The following KCNK9 variants were observed in gnomAD, a reference collection of about 807,000 sequenced individuals.
KCNK9 encodes the protein potassium two pore domain channel subfamily K member 9.
In KCNK9, 1 loss-of-function variant was observed where a neutral mutation model predicts 10.8. That is an observed-to-expected ratio of 0.09 (90% CI 0.03 to 0.44). The LOEUF is 0.44. KCNK9 is among the 20% of genes least tolerant of loss of function. The pLI is 0.97. For missense variants in KCNK9, 303 were observed against 515.0 expected (o/e 0.59, Z 3.98); for synonymous variants, 231 against 222.7 (o/e 1.04, Z -0.33).
At chr8:139,642,699 G>A (rs187053024) in intron 1 of KCNK9, among the ~76,000 whole-genome samples, 3 of 152,382 alleles carry the variant, frequency 2.0e-5, no homozygotes, top group African/African-American at 7.2e-5. Flanking sequence ...CCAGTCCTGG[G>A]GAAGGAGCCG....
rs1814636905 is a variant in KCNK9, at chr8:139,617,565, T to C, written c.*693A>G. On this transcript the variant is annotated 3_prime_UTR_variant, in exon 2 of 2. Coordinates refer to ENST00000520439, the MANE Select transcript of KCNK9 (RefSeq NM_001282534.2). ...ATTAATATAATTTAGAACCTAGCAT[T>C]TAGAAAATATGGCCATGACACATCA... Among the ~76,000 whole-genome samples the C allele has an allele frequency of 6.6e-6, 1 of 152,100 alleles. No individual in the cohort carries two copies. The highest frequency in any genetic ancestry group is 2.1e-4 in the South Asian group (1 of 4,826).
downstream of KCNK9, chr8:139,616,483 T>A (rs1299180871): frequency 2.0e-5 from 3 of 152,208 alleles, no homozygotes; most frequent in Non-Finnish European, 4.4e-5. Context: ...AATTTCAACA[T>A]GGGATGTAGC....
At chr8:139,619,461 G>C (rs368999104) in intron 1 of KCNK9, among the ~76,000 whole-genome samples, 5 of 152,100 alleles carry the variant, frequency 3.3e-5, no homozygotes, top group African/African-American at 9.7e-5. Flanking sequence ...CCACATAAAG[G>C]CTTTAAAAAG....
rs1363254050 is a variant in KCNK9, at chr8:139,702,343, C to T, written c.283+367G>A. 6.6e-6 allele frequency among the ~76,000 whole-genome samples: 1 copy of T among 152,164 alleles called. No homozygotes were observed. Among genetic ancestry groups the T allele is most frequent in the South Asian group, 2.1e-4 (1 of 4,826 alleles). ...GTAGTAAGTGTAAGGCTCAGAGCCCCGCGCAGCCCAGCCCGCGCCGGGGCG... is the reference window on the plus strand; with the variant it reads ...GTAGTAAGTGTAAGGCTCAGAGCCCTGCGCAGCCCAGCCCGCGCCGGGGCG... On this transcript the variant is annotated intron_variant, in intron 1 of 1. Transcript: ENST00000520439. This position sits in a 1 kb window ranked among gnomAD's most constrained non-coding sequence, Gnocchi z 7.5.
intron 1 of KCNK9, among the ~76,000 whole-genome samples, chr8:139,659,447 AC>A (rs1228203127): frequency 6.6e-6 from 1 of 150,772 alleles, no homozygotes; most frequent in Admixed American, 6.6e-5. Flanking sequence ...CAGGTGTTAG[AC>A]CCCTGGCCTC....
At chr8:139,642,648 G>T (rs1000742056) in intron 1 of KCNK9, among the ~76,000 whole-genome samples, 5 of 152,222 alleles carry the variant, frequency 3.3e-5, no homozygotes, top group East Asian at 3.9e-4. Context: ...GATTCAGTGG[G>T]GAGCAGCCAC....
chr8:139,701,097 C>T (rs1480636656), intron 1 of KCNK9, among the ~76,000 whole-genome samples: 2 of 152,170 alleles, frequency 1.3e-5, no homozygotes, highest in African/African-American at 2.4e-5. Context: ...CAAACAGGCC[C>T]CTGTCTCCCA....
chr8:139,639,442 T>G (rs1187361842), intron 1 of KCNK9, among the ~76,000 whole-genome samples: 1 of 152,062 alleles, frequency 6.6e-6, no homozygotes, highest in Non-Finnish European at 1.5e-5. Flanking sequence ...ACAGGGTAGC[T>G]CTCTCCCTTC....
intron 1 of KCNK9, among the ~76,000 whole-genome samples, chr8:139,637,554 G>A (rs548643575): frequency 1.2e-4 from 19 of 152,192 alleles, no homozygotes; most frequent in East Asian, 3.9e-4. Context: ...ACTAAATGAC[G>A]TCATCTAAAA....
intron 1 of KCNK9, among the ~76,000 whole-genome samples, chr8:139,666,260 T>G (rs1816296794): frequency 6.6e-6 from 1 of 152,212 alleles, no homozygotes; most frequent in Non-Finnish European, 1.5e-5. Context: ...TCCTGAGCCT[T>G]GCTTTCCCCA....
rs1282191530 is a variant in KCNK9, at chr8:139,650,849, G to A, written c.284-31750C>T. 3.3e-5 allele frequency among the ~76,000 whole-genome samples: 5 copies of A among 152,244 alleles called. No individual in the cohort carries two copies. In the South Asian group the frequency reaches 1.0e-3, roughly 32 times the overall value. On this transcript the variant is annotated intron_variant, in intron 1 of 1. Coordinates refer to ENST00000520439, the MANE Select transcript of KCNK9 (RefSeq NM_001282534.2). The stretch of plus-strand genomic sequence containing the variant: ...GAGCTGAGCCTGGCCATCGTCATTC[G>A]GGGATTCTGGAGCAGAGGCCACCAG...
intron 1 of KCNK9, among the ~76,000 whole-genome samples, chr8:139,653,496 G>C (rs930477089): frequency 6.6e-6 from 1 of 151,416 alleles, no homozygotes; most frequent in Non-Finnish European, 1.5e-5. Flanking sequence ...TCCCCCAACA[G>C]AGACCTCCCC....
chr8:139,642,323 C>T (rs960091812), intron 1 of KCNK9, among the ~76,000 whole-genome samples: 5 of 152,016 alleles, frequency 3.3e-5, no homozygotes, highest in African/African-American at 4.8e-5. Context: ...GGTCGTTGCA[C>T]GAAGACGATT....
chr8:139,639,703 G>A (rs1464348201), intron 1 of KCNK9, among the ~76,000 whole-genome samples: 1 of 152,212 alleles, frequency 6.6e-6, no homozygotes, highest in African/African-American at 2.4e-5. Context: ...TGCTTCTGAA[G>A]CCCAGTCTCT....
chr8:139,699,872 G>A (rs951260565), intron 1 of KCNK9, among the ~76,000 whole-genome samples: 4 of 152,200 alleles, frequency 2.6e-5, no homozygotes, highest in African/African-American at 9.7e-5. Flanking sequence ...AGCACCAGCG[G>A]CTCCTGTCCC....
intron 1 of KCNK9, among the ~76,000 whole-genome samples, chr8:139,636,416 G>A (rs942910925): frequency 2.0e-5 from 3 of 152,190 alleles, no homozygotes; most frequent in African/African-American, 7.2e-5. Flanking sequence ...CCGGCCCCCT[G>A]CCAAGGATAG....
At chr8:139,607,769 G>T (rs1814276840), downstream of KCNK9, among the ~76,000 whole-genome samples, 1 of 152,176 alleles carries the variant, frequency 6.6e-6, no homozygotes, top group African/African-American at 2.4e-5. Flanking sequence ...GGAAAGACTG[G>T]GCCCTGTCTC....
intron 1 of KCNK9, among the ~76,000 whole-genome samples, chr8:139,658,993 G>A (rs1816086811): frequency 6.6e-6 from 1 of 151,638 alleles, no homozygotes; most frequent in Non-Finnish European, 1.5e-5. Flanking sequence ...CTCCCAGAAG[G>A]TCTGTGATTA....
At chr8:139,619,280 C>T (rs1814703238) in intron 1 of KCNK9, among the ~76,000 whole-genome samples, 181 bp from the exon 2 acceptor site, 1 of 151,760 alleles carries the variant, frequency 6.6e-6, no homozygotes, top group Non-Finnish European at 1.5e-5. Context: ...AAAGGAGAGC[C>T]ACTTTCTCAG....
Sources: gnomAD v4.1 joint callset for allele counts (sites outside exome capture counted in the v4.1 genomes callset) on GRCh38, gnomAD v4.1.1 for gene constraint, Gnocchi (gnomAD v3.1) non-coding constraint, MANE v1.5 for transcripts, NCBI Gene and HGNC (gene_info 2026-07-23, HGNC 2026-07-21) for gene names.